The following FANK1 variants were observed in gnomAD, a reference collection of about 807,000 sequenced individuals.
FANK1 encodes fibronectin type 3 and ankyrin repeat domains protein 1.
A neutral mutation model predicts 45.3 loss-of-function variants in FANK1; 44 were observed. The ratio of observed to expected loss-of-function variants is 0.97; its 90% confidence interval spans 0.76 to 1.25. The LOEUF is 1.25. Ranked by LOEUF, FANK1 falls within the 50% of genes most tolerant of loss-of-function variation. The pLI is 0.00. For missense variants in FANK1, 391 were observed against 424.4 expected (o/e 0.92, Z 0.69); for synonymous variants, 149 against 152.5 (o/e 0.98, Z 0.17).
At chr10:125,959,620 A>G (rs897989802) in intron 1 of FANK1, among the ~76,000 whole-genome samples, 2 of 152,018 alleles carry the variant, frequency 1.3e-5, no homozygotes, top group Non-Finnish European at 2.9e-5. Context: ...AAATGAAACA[A>G]CCTTCTCATT....
chr10:125,946,629 T>C (rs966210033), intron 1 of FANK1, among the ~76,000 whole-genome samples: 1 of 150,730 alleles, frequency 6.6e-6, no homozygotes, highest in African/African-American at 2.4e-5. Flanking sequence ...AATCTACGTC[T>C]GATTGGTGTA....
intron 4 of FANK1, chr10:125,995,705 G>T (rs981701629): frequency 3.1e-5 from 16 of 522,632 alleles, no homozygotes; most frequent in African/African-American, 3.8e-5. Context: ...TTTTGTGATT[G>T]TGTAATAGAA....
At chr10:125,900,355 T>C (rs1328704872) in intron 1 of FANK1, among the ~76,000 whole-genome samples, 1 of 129,048 alleles carries the variant, frequency 7.7e-6, no homozygotes, top group Non-Finnish European at 1.6e-5. Flanking sequence ...GTTTTTGTCC[T>C]TTTTTTTTTT....
intron 1 of FANK1, among the ~76,000 whole-genome samples, chr10:125,946,387 A>G (rs983164834): frequency 6.7e-6 from 1 of 149,714 alleles, no homozygotes; most frequent in Admixed American, 6.6e-5. Context: ...GTATAACTAG[A>G]ATAACCAATA....
At chr10:125,918,867 GAAAT>G (rs1251180486) in intron 1 of FANK1, among the ~76,000 whole-genome samples, 2 of 151,836 alleles carry the variant, frequency 1.3e-5, no homozygotes, top group Admixed American at 1.3e-4. Flanking sequence ...GAGAATCTCA[GAAAT>G]AACTAAAATA....
chr10:125,998,194 G>C (rs1382446965), intron 6 of FANK1, among the ~76,000 whole-genome samples: 1 of 152,326 alleles, frequency 6.6e-6, no homozygotes, highest in East Asian at 1.9e-4. Flanking sequence ...GGCTTCAGGG[G>C]CTGTGGTCAC....
At chr10:125,952,859 A>T (rs1028813349) in intron 1 of FANK1, among the ~76,000 whole-genome samples, 4 of 128,626 alleles carry the variant, frequency 3.1e-5, no homozygotes, top group African/African-American at 8.8e-5. Context: ...ACACACACAC[A>T]CTGTTCTTAC....
At chr10:125,906,220 A>T (rs1265505257) in intron 1 of FANK1, among the ~76,000 whole-genome samples, 1 of 152,124 alleles carries the variant, frequency 6.6e-6, no homozygotes, top group Non-Finnish European at 1.5e-5. Flanking sequence ...GTCCGTTACA[A>T]AAAAAGAAGG....
At chr10:125,977,342 A>AGCG (rs1554940011) in intron 1 of FANK1, among the ~76,000 whole-genome samples, 3 of 152,064 alleles carry the variant, frequency 2.0e-5, no homozygotes, top group African/African-American at 7.2e-5. Context: ...CTGGTTTCAG[A>AGCG]GGGGGGTATG....
intron 1 of FANK1, among the ~76,000 whole-genome samples, chr10:125,944,069 C>T (rs575956887): frequency 8.9e-4 from 135 of 152,274 alleles, no homozygotes; most frequent in Non-Finnish European, 1.5e-3. Context: ...GACAAAACTG[C>T]GTTTGAATTA....
chr10:125,952,800 TACACACACACACACACACACACACACAC>T lies in FANK1; in HGVS notation c.14-27328_14-27301del, dbSNP rs57356060. On this transcript the variant is annotated intron_variant, in intron 1 of 10. Transcript: ENST00000368693. ...GCTGTGGTGCCCAGCAGGAAATACA[TACACACACACACACACACACACACACAC>T]ACACACACACACACACACACACACA... Among the ~76,000 whole-genome samples, 207 of 117,844 alleles carry T rather than the reference TACACACACACACACACACACACACACAC, an allele frequency of 1.8e-3. 1 individual carries two copies. Among genetic ancestry groups the T allele is most frequent in the South Asian group, 9.7e-3 (27 of 2,778 alleles). The allele number at this position is 117,844 out of a possible 152,430, so 77.3% of individuals were successfully genotyped here.
intron 6 of FANK1, among the ~76,000 whole-genome samples, chr10:126,003,833 T>G (rs540280477): frequency 3.3e-5 from 5 of 151,928 alleles, no homozygotes; most frequent in Non-Finnish European, 5.9e-5. Flanking sequence ...TTGCCACCAC[T>G]CCCAGCTAAT....
At chr10:125,990,918 C>G (rs542825749) in intron 3 of FANK1, among the ~76,000 whole-genome samples, 1 of 152,292 alleles carries the variant, frequency 6.6e-6, no homozygotes, top group South Asian at 2.1e-4. Flanking sequence ...GGGAATTTCC[C>G]TTTATAAAAC....
At chr10:125,972,807 G>A (rs7097500) in intron 1 of FANK1, 32,009 of 91,096 alleles carry the variant, frequency 0.35, 4,221 homozygotes, top group Non-Finnish European at 0.47. Flanking sequence ...GCTGACACGT[G>A]TGTGTGTTCA....
intron 6 of FANK1, among the ~76,000 whole-genome samples, chr10:126,003,970 C>T (rs943011469): frequency 6.6e-6 from 1 of 152,024 alleles, no homozygotes; most frequent in Non-Finnish European, 1.5e-5. Context: ...ACCTCTGTGC[C>T]TGGCCTCCCC....
At chr10:125,907,513 T>A (rs1490363615) in intron 1 of FANK1, 1 of 985,200 alleles carries the variant, frequency 1.0e-6, no homozygotes, top group Non-Finnish European at 1.2e-6. Context: ...GTGAGTAGGA[T>A]CTGTGACTTG....
intron 1 of FANK1, among the ~76,000 whole-genome samples, chr10:125,943,288 A>G (rs771909661): frequency 6.6e-6 from 1 of 152,010 alleles, no homozygotes; most frequent in Non-Finnish European, 1.5e-5. Context: ...TTGTTTTTCT[A>G]AATTGCAGTT....
At chr10:125,974,105 C>T (rs1243808678) in intron 1 of FANK1, among the ~76,000 whole-genome samples, 3 of 152,194 alleles carry the variant, frequency 2.0e-5, no homozygotes, top group Non-Finnish European at 4.4e-5. Context: ...ATTTTTAACT[C>T]AGTTTCAGAG....
Position 125,974,251 on chromosome 10 carries a change from G to C in FANK1, c.14-5910G>C, listed in dbSNP as rs188145490. 6.3e-4 allele frequency among the ~76,000 whole-genome samples: 96 copies of C among 152,300 alleles called. 1 individual carries two copies. Among genetic ancestry groups the C allele is most frequent in the African/African-American group, 2.1e-3 (89 of 41,572 alleles). ...CTTCGTGTAAGGGAAATTGTTGGCT[G>C]TGTGCCCCACTGGCCTGGGGTGGCA... On this transcript the variant is annotated intron_variant, in intron 1 of 10. Transcript: ENST00000368693.
Sources: gnomAD v4.1 joint callset for allele counts (sites outside exome capture counted in the v4.1 genomes callset) on GRCh38, gnomAD v4.1.1 for gene constraint, MANE v1.5 for transcripts, NCBI Gene and HGNC (gene_info 2026-07-23, HGNC 2026-07-21) for gene names.